CAMK1D: variants seen among roughly 807,000 people sequenced by gnomAD.
CAMK1D encodes calcium/calmodulin dependent protein kinase ID, also known as calcium/calmodulin-dependent protein kinase type 1D.
In CAMK1D, 9 loss-of-function variants were observed where a neutral mutation model predicts 47.7. The ratio of observed to expected loss-of-function variants is 0.19; its 90% confidence interval spans 0.11 to 0.33. The LOEUF (loss-of-function observed/expected upper bound fraction) is 0.33. Ranked by LOEUF, CAMK1D falls within the 10% of genes least tolerant of loss-of-function variation. CAMK1D has a pLI of 1.00. For missense variants in CAMK1D, 291 were observed against 488.7 expected (o/e 0.60, Z 3.81); for synonymous variants, 184 against 184.9 (o/e 0.99, Z 0.04).
intron 1 of CAMK1D, among the ~76,000 whole-genome samples, chr10:12,404,343 C>A (rs1044118975): frequency 6.6e-6 from 1 of 152,194 alleles, no homozygotes; most frequent in African/African-American, 2.4e-5. Flanking sequence ...CTGCGCCCGG[C>A]CTTATTTGAG....
chr10:12,412,841 T>A (rs1839711611), intron 1 of CAMK1D, among the ~76,000 whole-genome samples: 1 of 152,084 alleles, frequency 6.6e-6, no homozygotes. Flanking sequence ...TTCTCTCAGA[T>A]GAATCACTGG....
intron 2 of CAMK1D, among the ~76,000 whole-genome samples, chr10:12,646,381 A>G (rs1158652051): frequency 6.6e-6 from 1 of 152,200 alleles, no homozygotes; most frequent in African/African-American, 2.4e-5. Context: ...AGAAATAGTA[A>G]ACGTTTTTTT....
At chr10:12,765,899 G>A (rs561580928) in intron 4 of CAMK1D, among the ~76,000 whole-genome samples, 6 of 150,276 alleles carry the variant, frequency 4.0e-5, no homozygotes, top group African/African-American at 1.5e-4. Context: ...CAAAAAACTA[G>A]TTAGGGCTAG....
At chr10:12,814,067 G>A in intron 6 of CAMK1D, 128 bp from the exon 7 acceptor site, 1 of 621,752 alleles carries the variant, frequency 1.6e-6, no homozygotes, top group Non-Finnish European at 2.9e-6. Flanking sequence ...GGGATTACCT[G>A]CGTGAGCCAC....
At chr10:12,532,671 G>C (rs1244648151) in intron 1 of CAMK1D, among the ~76,000 whole-genome samples, 2 of 152,170 alleles carry the variant, frequency 1.3e-5, no homozygotes, top group African/African-American at 4.8e-5. Context: ...GTTTGCAGTA[G>C]CCAAGATTTG....
intron 1 of CAMK1D, among the ~76,000 whole-genome samples, chr10:12,475,407 C>T (rs1161044682): frequency 6.6e-6 from 1 of 152,174 alleles, no homozygotes; most frequent in Non-Finnish European, 1.5e-5. Flanking sequence ...GTCTGTTTCA[C>T]TTAGCATAAT....
At chr10:12,488,907 C>T (rs1197668104) in intron 1 of CAMK1D, among the ~76,000 whole-genome samples, 1 of 152,150 alleles carries the variant, frequency 6.6e-6, no homozygotes, top group African/African-American at 2.4e-5. Context: ...CACTTGCCGT[C>T]CCCCTCCTGC....
At chr10:12,359,946 T>G (rs1173714133) in intron 1 of CAMK1D, among the ~76,000 whole-genome samples, 1 of 152,194 alleles carries the variant, frequency 6.6e-6, no homozygotes, top group Non-Finnish European at 1.5e-5. Flanking sequence ...AAACTTTAAA[T>G]GTCCCAGGTC....
intron 5 of CAMK1D, among the ~76,000 whole-genome samples, chr10:12,784,753 A>G (rs956076130): frequency 2.6e-5 from 4 of 152,196 alleles, no homozygotes; most frequent in African/African-American, 9.6e-5. Context: ...CTCACCAAAA[A>G]TATTTCAGGC....
At chr10:12,536,618 G>C (rs561852893) in intron 1 of CAMK1D, among the ~76,000 whole-genome samples, 12 of 152,246 alleles carry the variant, frequency 7.9e-5, no homozygotes, top group African/African-American at 2.9e-4. Context: ...CCTCTCCAGA[G>C]GCAACCTTTA....
chr10:12,391,600 G>C (rs1432018736), intron 1 of CAMK1D, among the ~76,000 whole-genome samples: 1 of 151,974 alleles, frequency 6.6e-6, no homozygotes, highest in Admixed American at 6.6e-5. Context: ...ATTCCCTTTC[G>C]GGAGGATGAT....
At chr10:12,791,402 C>T (rs1414738254) in intron 6 of CAMK1D, among the ~76,000 whole-genome samples, 169 bp downstream of exon 6, 1 of 152,186 alleles carries the variant, frequency 6.6e-6, no homozygotes, top group East Asian at 1.9e-4. Flanking sequence ...CAGTGTTGCA[C>T]AACCACCATT....
intron 3 of CAMK1D, among the ~76,000 whole-genome samples, chr10:12,736,933 T>C (rs1422869673): frequency 1.3e-5 from 2 of 152,188 alleles, no homozygotes; most frequent in African/African-American, 4.8e-5. Context: ...CCTCTTCTGC[T>C]CCCTTGGAGG....
chr10:12,432,456 T>G (rs1037812092), intron 1 of CAMK1D, among the ~76,000 whole-genome samples: 1 of 111,034 alleles, frequency 9.0e-6, no homozygotes, highest in African/African-American at 2.6e-5. Flanking sequence ...CACGAATAAA[T>G]GAATGAATTA....
chr10:12,787,592 G>A (rs1262679486), intron 5 of CAMK1D, among the ~76,000 whole-genome samples: 1 of 152,228 alleles, frequency 6.6e-6, no homozygotes, highest in Non-Finnish European at 1.5e-5. Context: ...TTGCTCAGAG[G>A]CTGTGTAAGC....
chr10:12,597,458 G>A (rs1331307152), intron 2 of CAMK1D, among the ~76,000 whole-genome samples: 4 of 152,098 alleles, frequency 2.6e-5, no homozygotes, highest in African/African-American at 9.7e-5. Flanking sequence ...CCACAGACAC[G>A]CTGACCATCT....
At chr10:12,633,744 A>G (rs1839442003) in intron 2 of CAMK1D, among the ~76,000 whole-genome samples, 1 of 151,458 alleles carries the variant, frequency 6.6e-6, no homozygotes, top group Non-Finnish European at 1.5e-5. Flanking sequence ...TTTGGTGGAG[A>G]TGGGGTCTCT....
intron 2 of CAMK1D, among the ~76,000 whole-genome samples, chr10:12,571,601 C>T (rs1234916867): frequency 6.6e-6 from 1 of 152,132 alleles, no homozygotes; most frequent in African/African-American, 2.4e-5. Flanking sequence ...TGTAGGAATC[C>T]TTGCTTCAGA....
intron 6 of CAMK1D, 37 bp from the exon 7 acceptor site, chr10:12,814,158 G>T (rs1235173589): frequency 7.6e-7 from 1 of 1,309,450 alleles, no homozygotes; most frequent in African/African-American, 1.5e-5. Context: ...CACTGGTTAT[G>T]CAGATGTTCC....
Sources: gnomAD v4.1 joint callset for allele counts (sites outside exome capture counted in the v4.1 genomes callset) on GRCh38, gnomAD v4.1.1 for gene constraint, MANE v1.5 for transcripts, NCBI Gene and HGNC (gene_info 2026-07-23, HGNC 2026-07-21) for gene names.